Variants in PLD5 observed in about 807,000 individuals in gnomAD.
The protein encoded by PLD5 is inactive phospholipase D5.
A neutral mutation model predicts 61.1 loss-of-function variants in PLD5; 36 were observed. The observed-to-expected ratio is 0.59, with a 90% CI of 0.45 to 0.78. The LOEUF (loss-of-function observed/expected upper bound fraction) is 0.78, where lower values mean the gene tolerates loss of function less well. Among genes scored for constraint, PLD5 ranks in the 30% least tolerant of loss-of-function variants. The probability of loss-of-function intolerance (pLI) is 0.00; values close to 1 mark genes in which losing one functional copy is unlikely to be tolerated. For missense variants in PLD5, 515 were observed against 644.4 expected, an observed-to-expected ratio of 0.80 and a Z score of 2.17; for synonymous variants, 243 against 242.8, an observed-to-expected ratio of 1.00 and a Z score of -0.01.
chr1:242,120,595 T>G (rs1431708211), intron 6 of PLD5, among the ~76,000 whole-genome samples: 1 of 152,220 alleles, frequency 6.6e-6, no homozygotes, highest in Non-Finnish European at 1.5e-5. Context: ...CAAGTTCTAT[T>G]TAATGTCAGC....
intron 1 of PLD5, among the ~76,000 whole-genome samples, chr1:242,467,734 A>G (rs1667321639): frequency 6.6e-6 from 1 of 152,210 alleles, no homozygotes; most frequent in Non-Finnish European, 1.5e-5. Flanking sequence ...AGGGCCCACC[A>G]GGTGGTGTGT....
At chr1:242,309,375 TA>T (rs202160861) in intron 2 of PLD5, among the ~76,000 whole-genome samples, 8,925 of 148,008 alleles carry the variant, frequency 0.06, 324 homozygotes, top group Middle Eastern at 0.1. Flanking sequence ...TGATGTAGAC[TA>T]AGTTTTCTTT....
intron 5 of PLD5, among the ~76,000 whole-genome samples, chr1:242,149,059 A>C (rs1361090977): frequency 2.0e-5 from 3 of 152,014 alleles, no homozygotes; most frequent in African/African-American, 7.2e-5. Context: ...GTGCAATAGG[A>C]TTAGTGAGAA....
rs200822299 is a variant in PLD5 at position 242,110,023 on chromosome 1, CATTATATT to C, written c.1071-2192_1071-2185del. Among the ~76,000 whole-genome samples the C allele has an allele frequency of 4.2e-4, 62 of 148,180 alleles. 1 individual carries two copies. In the East Asian group the frequency reaches 7.8e-3, roughly 19 times the overall value. On this transcript the variant is annotated intron_variant, in intron 7 of 9. Transcript: ENST00000536534. ...ACCTGAGGCTGAGGCAGGAGAATCACATTATATTATTATATTATTATATATAATATAGA... is the reference window on the plus strand; with the variant it reads ...ACCTGAGGCTGAGGCAGGAGAATCACATTATATTATTATATATAATATAGA...
chr1:242,125,033 G>C (rs1000414886), intron 5 of PLD5, among the ~76,000 whole-genome samples: 5 of 151,878 alleles, frequency 3.3e-5, no homozygotes, highest in Non-Finnish European at 2.9e-5. Context: ...CCGAATGGCT[G>C]GAATCATGGA....
intron 1 of PLD5, among the ~76,000 whole-genome samples, chr1:242,462,916 T>C (rs1425271147): frequency 6.6e-6 from 1 of 152,216 alleles, no homozygotes; most frequent in Non-Finnish European, 1.5e-5. Context: ...ACATTACTTG[T>C]GCCTTAATTC....
At chr1:242,463,625 A>T (rs914802509) in intron 1 of PLD5, among the ~76,000 whole-genome samples, 1 of 152,056 alleles carries the variant, frequency 6.6e-6, no homozygotes, top group Non-Finnish European at 1.5e-5. Flanking sequence ...CCAGCATCTG[A>T]GTAAGTATCT....
At chr1:242,403,623 C>T (rs778851145) in intron 1 of PLD5, among the ~76,000 whole-genome samples, 1 of 151,334 alleles carries the variant, frequency 6.6e-6, no homozygotes, top group South Asian at 2.1e-4. Context: ...CATCACCAGG[C>T]CTGGGTAATT....
At chr1:242,431,018 G>C (rs1665687225) in intron 1 of PLD5, among the ~76,000 whole-genome samples, 1 of 152,132 alleles carries the variant, frequency 6.6e-6, no homozygotes, top group Admixed American at 6.6e-5. Context: ...TGTCTTCCCT[G>C]AAGCTGACCA....
At chr1:242,150,549 A>G (rs781393881) in intron 5 of PLD5, among the ~76,000 whole-genome samples, 3 of 151,746 alleles carry the variant, frequency 2.0e-5, no homozygotes, top group Non-Finnish European at 3.0e-5. Context: ...TTTTATCATC[A>G]TGTAATGTTG....
intron 4 of PLD5, among the ~76,000 whole-genome samples, chr1:242,220,928 G>T (rs993169403): frequency 5.9e-5 from 9 of 151,906 alleles, no homozygotes; most frequent in Non-Finnish European, 1.2e-4. Context: ...GTAGAGAGGG[G>T]TTTTTACTAT....
intron 5 of PLD5, among the ~76,000 whole-genome samples, chr1:242,166,774 T>G (rs1456473870): frequency 1.3e-5 from 2 of 152,138 alleles, no homozygotes; most frequent in Admixed American, 1.3e-4. Context: ...ACTGACCAAA[T>G]AGATGCTGAC....
chr1:242,167,249 T>G (rs1395920521), intron 5 of PLD5, among the ~76,000 whole-genome samples: 1 of 152,238 alleles, frequency 6.6e-6, no homozygotes, highest in East Asian at 1.9e-4. Context: ...TAAAGACATA[T>G]CCAAGACTGG....
At chr1:242,228,500 A>G (rs1290807624) in intron 4 of PLD5, among the ~76,000 whole-genome samples, 3 of 152,204 alleles carry the variant, frequency 2.0e-5, no homozygotes, top group African/African-American at 7.2e-5. Flanking sequence ...GAGCCATCCA[A>G]ATTTCTTCTT....
chr1:242,342,596 T>G (rs189701333), intron 2 of PLD5, among the ~76,000 whole-genome samples: 7 of 152,308 alleles, frequency 4.6e-5, no homozygotes, highest in African/African-American at 1.7e-4. Flanking sequence ...GTCCCAGGCC[T>G]ACTGACATGT....
intron 1 of PLD5, among the ~76,000 whole-genome samples, chr1:242,427,599 T>C (rs1483019953): frequency 6.6e-6 from 1 of 152,214 alleles, no homozygotes; most frequent in Non-Finnish European, 1.5e-5. Context: ...CTTGGAAATT[T>C]TACAAAGCAG....
chr1:242,185,809 CTTTTACTATATT>C (rs2148913807), intron 5 of PLD5, among the ~76,000 whole-genome samples: 1 of 151,982 alleles, frequency 6.6e-6, no homozygotes, highest in South Asian at 2.1e-4. Flanking sequence ...ACATGAGAGT[CTTTTACTATATT>C]TTTTTTCTTG....
At position 242,368,485 on chromosome 1, in the gene PLD5, G is replaced by C. The variant is rs368170269; in HGVS notation, c.190-20243C>G. ...ACAGAGAGGGGTCCCAGAAAAATGA[G>C]TTGCCAATCTGCAGTGAAATGCAGG... On this transcript the variant is annotated intron_variant, in intron 1 of 9. Transcript: ENST00000536534. Among the ~76,000 whole-genome samples, 6 of 152,298 alleles carry C rather than the reference G, an allele frequency of 3.9e-5. No homozygotes were observed. The East Asian group carries it at 1.2e-3, about 29-fold the overall frequency.
At chr1:242,356,284 A>G (rs1308493727) in intron 1 of PLD5, among the ~76,000 whole-genome samples, 2 of 152,016 alleles carry the variant, frequency 1.3e-5, no homozygotes, top group Admixed American at 6.6e-5. Flanking sequence ...GTTATATCCT[A>G]TTGATAAATT....
Sources: allele counts gnomAD v4.1 joint callset (sites outside exome capture counted in the v4.1 genomes callset), GRCh38; gene constraint gnomAD v4.1.1; transcripts MANE v1.5; gene names NCBI Gene and HGNC (gene_info 2026-07-23, HGNC 2026-07-21).